Variants in TTLL11 observed in about 807,000 individuals in gnomAD.
The protein encoded by TTLL11 is tubulin tyrosine ligase like 11, also known as tubulin polyglutamylase TTLL11.
In TTLL11, 42 loss-of-function variants were observed where a neutral mutation model predicts 51.7. The ratio of observed to expected loss-of-function variants is 0.81; its 90% CI spans 0.64 to 1.05. The LOEUF (loss-of-function observed/expected upper bound fraction) is 1.05. TTLL11 is among the 50% of genes least tolerant of loss of function. The pLI, the probability that TTLL11 is intolerant of heterozygous loss-of-function variation, is 0.00. For synonymous variants in TTLL11, 381 were observed against 383.5 expected (o/e 0.99, Z 0.08); for missense variants, 799 against 940.4 (o/e 0.85, Z 1.97).
intron 8 of TTLL11, among the ~76,000 whole-genome samples, chr9:121,826,564 T>C (rs1484282450): frequency 1.7e-4 from 19 of 110,306 alleles, no homozygotes; most frequent in African/African-American, 5.0e-4. Flanking sequence ...TGTGTATATA[T>C]ATATATATAT....
Position 121,821,313 on chromosome 9 carries a change from G to A in TTLL11, c.*1274C>T, listed in dbSNP as rs947958308. ...AGAACCCTCCCTTGCCACGCACTACGAGCATTTTCTGAGTCCTACAGTGCA... is the reference window on the plus strand; with the variant it reads ...AGAACCCTCCCTTGCCACGCACTACAAGCATTTTCTGAGTCCTACAGTGCA... On this transcript the variant is annotated 3_prime_UTR_variant, in exon 9 of 9. Transcript: ENST00000321582. This position sits in a 1 kb window ranked among gnomAD's most constrained non-coding sequence, Gnocchi z 5.0. 2.0e-5 allele frequency among the ~76,000 whole-genome samples: 3 copies of A among 152,120 alleles called. No homozygotes were observed. The highest frequency in any genetic ancestry group is 4.4e-5 in the Non-Finnish European group (3 of 68,028).
At chr9:122,073,992 G>T (rs2131899833) in intron 1 of TTLL11, among the ~76,000 whole-genome samples, 1 of 152,278 alleles carries the variant, frequency 6.6e-6, no homozygotes, top group East Asian at 1.9e-4. Flanking sequence ...CATGATGCTG[G>T]CCGGGCGCAG....
At chr9:122,084,571 C>A (rs1391387198) in intron 1 of TTLL11, among the ~76,000 whole-genome samples, 2 of 152,152 alleles carry the variant, frequency 1.3e-5, no homozygotes, top group Admixed American at 1.3e-4. Context: ...GGGTTCAAAC[C>A]TAATTAGAGG....
chr9:122,023,708 G>A (rs1458262618), intron 3 of TTLL11, among the ~76,000 whole-genome samples: 7 of 151,106 alleles, frequency 4.6e-5, no homozygotes, highest in Non-Finnish European at 4.4e-5. Context: ...GATCATCTCA[G>A]TAGACACAGG....
At chr9:121,922,321 C>CTT (rs1000450046) in intron 6 of TTLL11, among the ~76,000 whole-genome samples, 2 of 152,160 alleles carry the variant, frequency 1.3e-5, no homozygotes, top group African/African-American at 4.8e-5. Flanking sequence ...TGCATCTATA[C>CTT]TTATCATCTG....
chr9:122,028,609 T>C (rs756613670), intron 3 of TTLL11, among the ~76,000 whole-genome samples: 1 of 152,178 alleles, frequency 6.6e-6, no homozygotes, highest in Non-Finnish European at 1.5e-5. Flanking sequence ...ACTAACTTAG[T>C]AACTGATAGA....
rs368477535 is a variant in TTLL11, at chr9:122,070,896, C to A, written c.462+21791G>T. The stretch of plus-strand genomic sequence containing the variant: ...GCCTTGGCACGAAAAGCAATCACTG[C>A]TTGTCTTATGGAGAGGACAGGCTCC... On this transcript the variant is annotated intron_variant, in intron 1 of 8. Coordinates refer to ENST00000321582, the MANE Select transcript of TTLL11 (RefSeq NM_001139442.2). Among the ~76,000 whole-genome samples, 3 of 152,176 alleles carry A rather than the reference C, an allele frequency of 2.0e-5. No homozygotes were observed. In the East Asian group the frequency reaches 5.8e-4, roughly 29 times the overall value.
chr9:121,834,112 T>C (rs1165055894), intron 8 of TTLL11, among the ~76,000 whole-genome samples: 1 of 152,206 alleles, frequency 6.6e-6, no homozygotes, highest in African/African-American at 2.4e-5. Context: ...TGTAGTGAAA[T>C]GGCCCCCAGA....
chr9:121,952,219 G>C (rs1564322698), intron 6 of TTLL11, among the ~76,000 whole-genome samples: 1 of 152,020 alleles, frequency 6.6e-6, no homozygotes, highest in East Asian at 1.9e-4. Context: ...GGCCGAGCTG[G>C]GCAGATCACA....
chr9:121,873,581 C>A (rs979108888), intron 6 of TTLL11, among the ~76,000 whole-genome samples: 6 of 151,412 alleles, frequency 4.0e-5, no homozygotes, highest in African/African-American at 1.2e-4. Context: ...CAAAGTGCTG[C>A]GATTACAGGC....
At chr9:122,091,318 C>T (rs1404761723) in intron 1 of TTLL11, among the ~76,000 whole-genome samples, 4 of 152,212 alleles carry the variant, frequency 2.6e-5, no homozygotes, top group Non-Finnish European at 4.4e-5. Context: ...GCCCTCATAT[C>T]TCTGGCCTGG....
At position 121,998,468 on chromosome 9, in the gene TTLL11, TAG is replaced by T. The variant is rs533443264; in HGVS notation, c.694-8700_694-8699del. On this transcript the variant is annotated intron_variant, in intron 3 of 8. Coordinates refer to ENST00000321582, the MANE Select transcript of TTLL11 (RefSeq NM_001139442.2). ...CATTCGGCTAATTTTTGTATTTCAG[TAG>T]AGACGGAGTTTCACTACGTTGGTCA... Among the ~76,000 whole-genome samples the T allele has an allele frequency of 2.0e-3, 306 of 152,164 alleles. 2 individuals are homozygous for T. The highest frequency in any genetic ancestry group is 7.0e-3 in the African/African-American group (292 of 41,524).
intron 6 of TTLL11, among the ~76,000 whole-genome samples, chr9:121,900,689 T>C (rs1451672315): frequency 1.3e-5 from 2 of 152,216 alleles, no homozygotes; most frequent in Non-Finnish European, 2.9e-5. Context: ...TCATTATTTG[T>C]TTGTGCTAAA....
intron 3 of TTLL11, among the ~76,000 whole-genome samples, chr9:121,990,661 C>T (rs1843086115): frequency 1.3e-5 from 2 of 152,172 alleles, no homozygotes; most frequent in African/African-American, 4.8e-5. Context: ...AAGCGCAACA[C>T]CAAACACAGA....
intron 1 of TTLL11, among the ~76,000 whole-genome samples, chr9:122,073,215 C>G (rs1479236410): frequency 2.0e-5 from 3 of 151,938 alleles, no homozygotes; most frequent in African/African-American, 7.3e-5. Context: ...TTTGAGACCA[C>G]CCTGGGCAAC....
At chr9:121,961,524 T>G (rs758521311) in intron 6 of TTLL11, among the ~76,000 whole-genome samples, 4 of 151,966 alleles carry the variant, frequency 2.6e-5, no homozygotes, top group African/African-American at 4.8e-5. Context: ...GTCCCAACCC[T>G]CACCCACTCC....
chr9:121,911,089 T>C (rs370728321), intron 6 of TTLL11, among the ~76,000 whole-genome samples: 2 of 152,318 alleles, frequency 1.3e-5, no homozygotes, highest in South Asian at 2.1e-4. Flanking sequence ...CCATCCCTGT[T>C]ATGCCCCCTG....
chr9:121,983,563 C>A (rs1477460697), intron 4 of TTLL11, among the ~76,000 whole-genome samples: 1 of 152,192 alleles, frequency 6.6e-6, no homozygotes, highest in Non-Finnish European at 1.5e-5. Flanking sequence ...TGAGAAGCAG[C>A]AGCCAGGGAG....
Position 121,953,652 on chromosome 9 carries a change from A to G in TTLL11, c.1481+20357T>C, listed in dbSNP as rs1429548001. Among the ~76,000 whole-genome samples, 386 of 73,938 alleles carry G rather than the reference A, an allele frequency of 5.2e-3. 3 individuals carry two copies. The highest frequency in any genetic ancestry group is 0.012 in the South Asian group (44 of 3,730). The allele number at this position is 73,938 out of a possible 152,430, so 48.5% of individuals were successfully genotyped here. ...CGCCTCAAAAAAAAAAAAAAAAAAAAAAGAAGAAGATTAACCAAAGCATTT... is the reference window on the plus strand; with the variant it reads ...CGCCTCAAAAAAAAAAAAAAAAAAAGAAGAAGAAGATTAACCAAAGCATTT... On this transcript the variant is annotated intron_variant, in intron 6 of 8. Coordinates refer to ENST00000321582, the MANE Select transcript of TTLL11 (RefSeq NM_001139442.2).
Sources: gnomAD v4.1 joint callset for allele counts (sites outside exome capture counted in the v4.1 genomes callset) on GRCh38, gnomAD v4.1.1 for gene constraint, Gnocchi (gnomAD v3.1) non-coding constraint, MANE v1.5 for transcripts, NCBI Gene and HGNC (gene_info 2026-07-23, HGNC 2026-07-21) for gene names.